The following RGS7 variants were observed in gnomAD, a reference collection of about 807,000 sequenced individuals.
The protein encoded by RGS7 is regulator of G protein signaling 7.
A neutral mutation model predicts 81.1 loss-of-function variants in RGS7; 27 were observed. That is an observed-to-expected ratio of 0.33 (90% CI 0.25 to 0.46). The LOEUF is 0.46. RGS7 is among the 20% of genes least tolerant of loss of function. RGS7 has a pLI of 1.00. For missense variants in RGS7, 396 were observed against 607.4 expected (o/e 0.65, Z 3.66); for synonymous variants, 208 against 207.7 (o/e 1.00, Z -0.01).
At chr1:241,311,398 C>G (rs1271202339) in intron 2 of RGS7, among the ~76,000 whole-genome samples, 2 of 152,184 alleles carry the variant, frequency 1.3e-5, no homozygotes, top group Admixed American at 6.5e-5. Flanking sequence ...TACATACATA[C>G]TACAATAGTT....
In RGS7 at chr1:241,126,495, C is replaced by G. The variant is rs144645104; in HGVS notation, c.79-27733G>C. Among the ~76,000 whole-genome samples, 72 of 152,256 alleles carry G rather than the reference C, an allele frequency of 4.7e-4. No homozygotes were observed. In the East Asian group the frequency reaches 0.014, roughly 29 times the overall value. ...TAATGGGGCATGGGAGTTCATGCAA[C>G]GGGCTCTAGATCAAGCCTGCTTGGG... On this transcript the variant is annotated intron_variant, in intron 2 of 18. Transcript: ENST00000440928.
chr1:241,178,322 GA>G (rs2071325102), intron 2 of RGS7, among the ~76,000 whole-genome samples: 1 of 152,034 alleles, frequency 6.6e-6, no homozygotes, highest in Admixed American at 6.6e-5. Context: ...AAAGAAAAAA[GA>G]AAAAGAAAAG....
At chr1:240,785,634 T>C (rs1684937315) in intron 18 of RGS7, among the ~76,000 whole-genome samples, 1 of 152,094 alleles carries the variant, frequency 6.6e-6, no homozygotes, top group African/African-American at 2.4e-5. Flanking sequence ...CTTGGGAAAA[T>C]TAACTTTTAA....
chr1:241,181,993 G>T (rs1377478755), intron 2 of RGS7, among the ~76,000 whole-genome samples: 1 of 152,180 alleles, frequency 6.6e-6, no homozygotes, highest in Non-Finnish European at 1.5e-5. Flanking sequence ...TTCCTGGCCT[G>T]CTCTCTATCT....
At chr1:241,097,499 G>GC (rs1473430949) in intron 3 of RGS7, among the ~76,000 whole-genome samples, 1 of 152,022 alleles carries the variant, frequency 6.6e-6, no homozygotes, top group Non-Finnish European at 1.5e-5. Context: ...CTCTTCCTAG[G>GC]CTTGACAGCT....
chr1:241,100,331 C>T (rs955483422), intron 2 of RGS7, among the ~76,000 whole-genome samples: 2 of 146,424 alleles, frequency 1.4e-5, no homozygotes, highest in African/African-American at 2.5e-5. Context: ...GCCGAGATGG[C>T]GCCACTGCAC....
intron 3 of RGS7, among the ~76,000 whole-genome samples, chr1:241,066,565 T>C (rs930195339): frequency 6.6e-6 from 1 of 152,210 alleles, no homozygotes; most frequent in Non-Finnish European, 1.5e-5. Context: ...TCAACGTGTC[T>C]TTCTTAAGTT....
At chr1:241,323,024 C>T (rs965363890) in intron 2 of RGS7, among the ~76,000 whole-genome samples, 3 of 152,070 alleles carry the variant, frequency 2.0e-5, no homozygotes, top group Non-Finnish European at 4.4e-5. Context: ...GTAAAAAACA[C>T]AAATATAAAT....
intron 3 of RGS7, among the ~76,000 whole-genome samples, chr1:241,003,230 G>A (rs969481530): frequency 6.6e-6 from 1 of 152,146 alleles, no homozygotes; most frequent in South Asian, 2.1e-4. Context: ...GGGAGGCCAA[G>A]GCAGGCGGAT....
At chr1:241,281,551 G>A (rs1466874969) in intron 2 of RGS7, among the ~76,000 whole-genome samples, 1 of 152,182 alleles carries the variant, frequency 6.6e-6, no homozygotes, top group Non-Finnish European at 1.5e-5. Context: ...CTCCCAAGAA[G>A]CAGAGAAAAG....
chr1:240,812,558 C>T (rs1690053932), intron 13 of RGS7, among the ~76,000 whole-genome samples: 1 of 151,796 alleles, frequency 6.6e-6, no homozygotes, highest in Non-Finnish European at 1.5e-5. Flanking sequence ...CTTCAGCCTC[C>T]CGGGTAGCTG....
chr1:240,898,240 G>T, intron 6 of RGS7, among the ~76,000 whole-genome samples: 1 of 152,112 alleles, frequency 6.6e-6, no homozygotes, highest in Non-Finnish European at 1.5e-5. Context: ...CCAGCTCCTG[G>T]ATTCATTGAT....
chr1:240,885,921 G>A (rs1219905315), intron 6 of RGS7, among the ~76,000 whole-genome samples: 2 of 152,206 alleles, frequency 1.3e-5, no homozygotes, highest in Non-Finnish European at 1.5e-5. Flanking sequence ...AAAACAGGAC[G>A]TTTTCTGTAA....
At chr1:240,840,541 G>A (rs1006531671) in intron 9 of RGS7, among the ~76,000 whole-genome samples, 1 of 152,202 alleles carries the variant, frequency 6.6e-6, no homozygotes, top group African/African-American at 2.4e-5. Context: ...ACAAAGTGCT[G>A]GGATTTCAGG....
At chr1:240,955,765 T>A (rs924518952) in intron 4 of RGS7, among the ~76,000 whole-genome samples, 22 of 152,134 alleles carry the variant, frequency 1.4e-4, no homozygotes, top group African/African-American at 5.1e-4. Context: ...AGAAAAAGAA[T>A]AGTGTTTTTC....
chr1:241,345,557 C>G (rs11589269), intron 2 of RGS7, among the ~76,000 whole-genome samples: 94,932 of 151,982 alleles, frequency 0.62, 32,707 homozygotes, highest in Non-Finnish European at 0.77. Context: ...CTACATTTCT[C>G]AACGCCTATT....
intron 2 of RGS7, among the ~76,000 whole-genome samples, chr1:241,182,956 T>C (rs1412703600): frequency 6.6e-6 from 1 of 152,034 alleles, no homozygotes; most frequent in Non-Finnish European, 1.5e-5. Context: ...TTTTTTTTTT[T>C]TCTTAAAGAA....
intron 2 of RGS7, among the ~76,000 whole-genome samples, chr1:241,184,420 T>G (rs1275052388): frequency 6.6e-6 from 1 of 152,208 alleles, no homozygotes; most frequent in Non-Finnish European, 1.5e-5. Context: ...ATTAAGTTAT[T>G]CTCCAAAGGC....
intron 6 of RGS7, among the ~76,000 whole-genome samples, chr1:240,889,909 G>A (rs1201924087): frequency 6.6e-6 from 1 of 152,094 alleles, no homozygotes; most frequent in Non-Finnish European, 1.5e-5. Context: ...GTGGTTCGCG[G>A]ATGCTACCAA....
Sources: gnomAD v4.1 joint callset for allele counts (sites outside exome capture counted in the v4.1 genomes callset) on GRCh38, gnomAD v4.1.1 for gene constraint, MANE v1.5 for transcripts, NCBI Gene and HGNC (gene_info 2026-07-23, HGNC 2026-07-21) for gene names.